TRA2B: variants seen among roughly 807,000 people sequenced by gnomAD.
TRA2B encodes the protein transformer-2 protein homolog beta.
In TRA2B, 14 loss-of-function variants were observed where a neutral mutation model predicts 41.7. The observed-to-expected ratio is 0.34, with a 90% CI of 0.22 to 0.53. The LOEUF is 0.53. Among genes scored for constraint, TRA2B ranks in the 20% least tolerant of loss-of-function variants. The probability of loss-of-function intolerance (pLI) is 0.95; values close to 1 mark genes in which losing one functional copy is unlikely to be tolerated. For synonymous variants in TRA2B, 130 were observed against 128.8 expected (o/e 1.01, Z -0.06); for missense variants, 167 against 396.8 (o/e 0.42, Z 4.92).
intron 1 of TRA2B, chr3:185,937,310 A>C: frequency 1.0e-6 from 1 of 988,234 alleles, no homozygotes; most frequent in South Asian, 4.5e-5. Flanking sequence ...CGTTAACCTA[A>C]ACACCGGCCC....
intron 1 of TRA2B, 174 bp from the exon 2 acceptor site, chr3:185,926,908 C>A: frequency 1.4e-6 from 1 of 718,988 alleles, no homozygotes; most frequent in Non-Finnish European, 2.2e-6. Flanking sequence ...CTCCAAATGA[C>A]ATAAGTCAAT....
chr3:185,923,990 GAAA>G lies in TRA2B; in HGVS notation c.334-9_334-7del, dbSNP rs757369157. The G allele has an allele frequency of 6.7e-7, 1 of 1,482,370 alleles. No homozygotes were observed. Among genetic ancestry groups the G allele is most frequent in the South Asian group, 1.3e-5 (1 of 77,418 alleles). 91.8% of individuals were successfully genotyped at this position (1,482,370 alleles called of 1,614,324 possible). ...CAGTTAGGATCAGGATTTGCCTAGG[GAAA>G]AAAAAAAGTTTTAAACTTTGGAAAA... On this transcript the variant is annotated splice_region_variant and splice_polypyrimidine_tract_variant and intron_variant, in intron 3 of 8. Coordinates refer to ENST00000453386, the MANE Select transcript of TRA2B (RefSeq NM_004593.3).
At chr3:185,918,059 A>G (rs1310775302) in intron 8 of TRA2B, among the ~76,000 whole-genome samples, 1 of 152,016 alleles carries the variant, frequency 6.6e-6, no homozygotes, top group East Asian at 1.9e-4. Flanking sequence ...TAGAAACAAC[A>G]GGAGTCTCTG....
chr3:185,931,860 G>T, intron 1 of TRA2B: 2 of 1,422,926 alleles, frequency 1.4e-6, no homozygotes, highest in South Asian at 1.5e-5. Flanking sequence ...AACCTTAATA[G>T]AAAAAGAACA....
At position 185,915,473 on chromosome 3, in the gene TRA2B, C is replaced by G. The variant is rs910991788; in HGVS notation, c.*2242G>C. Among the ~76,000 whole-genome samples the G allele has an allele frequency of 8.5e-5, 13 of 152,124 alleles. No individual in the cohort carries two copies. The highest frequency in any genetic ancestry group is 2.7e-4 in the African/African-American group (11 of 41,432). ...GCAGCAGTTACCTAGGGGTTACCTA[C>G]GGGTAACTGCTGCCTCCCTTTCATG... On this transcript the variant is annotated 3_prime_UTR_variant, in exon 9 of 9. Coordinates refer to ENST00000453386, the MANE Select transcript of TRA2B (RefSeq NM_004593.3).
At position 185,914,778 on chromosome 3, in the gene TRA2B, C is replaced by T. The variant is rs1743446282; in HGVS notation, c.*2937G>A. Among the ~76,000 whole-genome samples, 2 of 151,990 alleles carry T rather than the reference C, an allele frequency of 1.3e-5. No individual in the cohort carries two copies. The highest frequency in any genetic ancestry group is 4.2e-4 in the South Asian group (2 of 4,798). On this transcript the variant is annotated 3_prime_UTR_variant, in exon 9 of 9. Transcript: ENST00000453386. ...GAGGCGTGTCCACTGCTAATAAATC[C>T]AGCCTAATCCATCCTCAAAATTTCC... is the stretch of plus-strand genomic sequence containing the variant.
rs945411018 is a variant in TRA2B, at chr3:185,933,778, ACT to A, written c.36+4045_36+4046del. Among the ~76,000 whole-genome samples, 17 of 149,904 alleles carry A rather than the reference ACT, an allele frequency of 1.1e-4. 1 individual carries two copies. The highest frequency in any genetic ancestry group is 3.1e-4 in the African/African-American group (13 of 41,446). ...TAGTTGTAGGCCTGTGCTTATAAAA[ACT>A]CTCTTGTAAATATAGCACAGACTGT... On this transcript the variant is annotated intron_variant, in intron 1 of 8. Coordinates refer to ENST00000453386, the MANE Select transcript of TRA2B (RefSeq NM_004593.3).
chr3:185,937,578 G>A, intron 1 of TRA2B: 1 of 647,616 alleles, frequency 1.5e-6, no homozygotes, highest in Non-Finnish European at 1.9e-6. Flanking sequence ...CTTATAACGG[G>A]AAAAACGGCC....
At position 185,937,993 on chromosome 3, in the gene TRA2B, G is replaced by C. The variant is rs761004990; in HGVS notation, c.-133C>G. 2.3e-5 allele frequency: 24 copies of C among 1,028,042 alleles called. No individual in the cohort carries two copies. Among genetic ancestry groups the C allele is most frequent in the African/African-American group, 4.8e-5 (3 of 62,954 alleles). 63.7% of individuals were successfully genotyped at this position (1,028,042 alleles called of 1,614,324 possible). A position where few individuals can be genotyped will look rare whatever the true frequency, so the allele number is the denominator to read the frequency against. ...CAGCCGCTCAGAGCCGAAATGCTCC[G>C]CACCGCCTCCGCACGGGCTCTAACT... On this transcript the variant is annotated 5_prime_UTR_variant, in exon 1 of 9. Transcript: ENST00000453386.
At chr3:185,936,357 TAAA>T (rs919655510) in intron 1 of TRA2B, 1 of 984,178 alleles carries the variant, frequency 1.0e-6, no homozygotes, top group Non-Finnish European at 1.2e-6. Flanking sequence ...AGCAAGAACT[TAAA>T]AAAAAATCTA....
intron 1 of TRA2B, chr3:185,935,198 C>CA: frequency 1.0e-6 from 1 of 985,426 alleles, no homozygotes; most frequent in Non-Finnish European, 1.2e-6. Context: ...AACCCCTTTA[C>CA]AAAATGCAAG....
chr3:185,935,766 T>C, intron 1 of TRA2B: 1 of 985,420 alleles, frequency 1.0e-6, no homozygotes, highest in Non-Finnish European at 1.2e-6. Flanking sequence ...ACGTGTTTGA[T>C]TCAGGTGTAT....
rs1005351972 is a variant in TRA2B, at chr3:185,916,151, G to A, written c.*1564C>T. On this transcript the variant is annotated 3_prime_UTR_variant, in exon 9 of 9. Coordinates refer to ENST00000453386, the MANE Select transcript of TRA2B (RefSeq NM_004593.3). ...GCAAACACTGAAAACACCCTGGACA[G>A]TAAGTTTTACAAATTAAGACCTGCC... The A allele has an allele frequency of 6.6e-6, 1 of 152,172 alleles. No homozygotes were observed. The highest frequency in any genetic ancestry group is 1.5e-5 in the Non-Finnish European group (1 of 68,044). The allele number at this position is 152,172 out of a possible 1,614,324, so 9.4% of individuals were successfully genotyped here.
At chr3:185,936,834 ACAGAC>A in intron 1 of TRA2B, 1 of 985,380 alleles carries the variant, frequency 1.0e-6, no homozygotes, top group East Asian at 1.1e-4. Flanking sequence ...CCAGAGCCCC[ACAGAC>A]CAGCTACGTA....
At chr3:185,920,278 G>C (rs1743668148) in intron 6 of TRA2B, among the ~76,000 whole-genome samples, 1 of 152,182 alleles carries the variant, frequency 6.6e-6, no homozygotes, top group African/African-American at 2.4e-5. Context: ...AAAAGTGTTG[G>C]CTTTCCAAAA....
rs1157731661 is a variant in TRA2B, at chr3:185,922,076, A to G, written c.573T>C (p.Val191=). The G allele has an allele frequency of 6.2e-7, 1 of 1,613,960 alleles. No homozygotes were observed. The highest frequency in any genetic ancestry group is 1.1e-5 in the South Asian group (1 of 91,042). ...GTGGTCTTTTTGTTATAGAGAAATC[A>G]ACTCTGATCCTACGCCCATCAAGCT... ...GMELDGRRIR[V]DFSITKRPHT... is the part of the protein sequence containing the mutation. Residue 191 remains valine (V), a synonymous_variant, in exon 5 of 9, where the codon GTT becomes GTC. Coordinates refer to ENST00000453386, the MANE Select transcript of TRA2B (RefSeq NM_004593.3).
intron 1 of TRA2B, chr3:185,929,217 T>C (rs982473571): frequency 3.0e-4 from 46 of 152,340 alleles, no homozygotes; most frequent in African/African-American, 1.0e-3. Context: ...TGAAGTTATT[T>C]TGGCCATTTA....
rs564301467 is a variant in TRA2B at position 185,935,594 on chromosome 3, G to A, written c.36+2231C>T. On this transcript the variant is annotated intron_variant, in intron 1 of 8. Coordinates refer to ENST00000453386, the MANE Select transcript of TRA2B (RefSeq NM_004593.3). ...TAAGGGAGAATTCCACTGATTTGAA[G>A]AGATTAGTGATTTACATTAAGACCC... is the stretch of plus-strand genomic sequence containing the variant. The A allele has an allele frequency of 4.5e-5, 44 of 985,422 alleles. No homozygotes were observed. The African/African-American group carries it at 7.3e-4, about 16-fold the overall frequency. The allele number at this position is 985,422 out of a possible 1,614,324, so 61.0% of individuals were successfully genotyped here.
At chr3:185,937,801 AC>A (rs761095375) in intron 1 of TRA2B, 23 bp downstream of exon 1, 6 of 1,613,670 alleles carry the variant, frequency 3.7e-6, no homozygotes, top group Non-Finnish European at 5.1e-6. Context: ...CCACACAGCC[AC>A]CCCCTACCGC....
Sources: allele counts gnomAD v4.1 joint callset (sites outside exome capture counted in the v4.1 genomes callset), GRCh38; gene constraint gnomAD v4.1.1; transcripts MANE v1.5; gene names NCBI Gene and HGNC (gene_info 2026-07-23, HGNC 2026-07-21).